DCAF8L2: variants seen among roughly 807,000 people sequenced by gnomAD.
DCAF8L2 encodes DDB1 and CUL4 associated factor 8 like 2.
For missense variants in DCAF8L2, 430 were observed against 490.7 expected (o/e 0.88, Z 1.17); for synonymous variants, 200 against 190.9 (o/e 1.05, Z -0.39).
intron 4 of DCAF8L2, among the ~76,000 whole-genome samples, chrX:27,743,695 T>C (rs1372653645): frequency 1.1e-5 from 1 of 94,701 alleles, no homozygotes; most frequent in Non-Finnish European, 2.1e-5. Flanking sequence ...ATGCCTGGCT[T>C]TTATTATTTA....
chrX:27,724,629 G>T (rs61119321), intron 4 of DCAF8L2, among the ~76,000 whole-genome samples: 2,589 of 111,342 alleles, frequency 0.023, 75 homozygotes, highest in African/African-American at 0.08. Context: ...TCAGGCAACA[G>T]AAAAGAAATG....
intron 2 of DCAF8L2, among the ~76,000 whole-genome samples, chrX:27,636,637 A>C (rs5926847): frequency 1.8e-5 from 2 of 109,849 alleles, no homozygotes; most frequent in African/African-American, 3.3e-5. Context: ...AAACCTGAAC[A>C]CATCTCTATT....
At chrX:27,496,316 A>G in the DCAF8L2 span, among the ~76,000 whole-genome samples, 1 of 111,931 alleles carries the variant, frequency 8.9e-6, no homozygotes, top group East Asian at 2.8e-4. Flanking sequence ...TTTGGTAAAT[A>G]CACCAAGCTG....
At position 27,726,846 on chromosome X, in the gene DCAF8L2, G is replaced by GAT. The variant is rs1284077308; in HGVS notation, c.-59+10678_-59+10679dup. 2.7e-5 allele frequency among the ~76,000 whole-genome samples: 3 copies of GAT among 111,766 alleles called. No individual in the cohort carries two copies. In the Admixed American group the frequency reaches 2.9e-4, roughly 11 times the overall value. On this transcript the variant is annotated intron_variant, in intron 4 of 4. Transcript: ENST00000451261. ...ACATTTTGGTTGTTTCCAAGTTGAG[G>GAT]ATATCATGAATAATGATTGTATGAA...
chrX:27,622,582 A>G (rs760951563), intron 1 of DCAF8L2, among the ~76,000 whole-genome samples: 4 of 111,639 alleles, frequency 3.6e-5, no homozygotes, highest in Non-Finnish European at 5.6e-5. Context: ...AAACATTAAC[A>G]TAAGTGAATT....
intron 2 of DCAF8L2, among the ~76,000 whole-genome samples, chrX:27,646,177 C>T (rs1928929086): frequency 1.8e-5 from 2 of 111,864 alleles, no homozygotes; most frequent in South Asian, 7.4e-4. Flanking sequence ...TACAAAGCTA[C>T]AGTAACCAAA....
the DCAF8L2 span, among the ~76,000 whole-genome samples, chrX:27,508,446 A>G: frequency 9.1e-6 from 1 of 110,336 alleles, no homozygotes; most frequent in Non-Finnish European, 1.9e-5. Flanking sequence ...AACTCATGAG[A>G]CATGTTAGAC....
intron 2 of DCAF8L2, among the ~76,000 whole-genome samples, chrX:27,661,608 A>G (rs998937035): frequency 8.9e-6 from 1 of 111,952 alleles, no homozygotes; most frequent in Admixed American, 9.5e-5. Flanking sequence ...ATGTTATCTA[A>G]GTCTATATTA....
intron 1 of DCAF8L2, among the ~76,000 whole-genome samples, chrX:27,622,293 C>CTGT (rs1322553063): frequency 0.067 from 6,240 of 93,395 alleles, 1,027 homozygotes; most frequent in African/African-American, 0.27. Context: ...GGCGTAGTGG[C>CTGT]GGACACCTGT....
intron 2 of DCAF8L2, among the ~76,000 whole-genome samples, chrX:27,649,619 C>T (rs1929075717): frequency 9.1e-6 from 1 of 109,539 alleles, no homozygotes; most frequent in Non-Finnish European, 1.9e-5. Flanking sequence ...TTTTGAGAAG[C>T]GTCTGTCCTT....
chrX:27,571,965 A>G, the DCAF8L2 span, among the ~76,000 whole-genome samples: 2 of 111,797 alleles, frequency 1.8e-5, no homozygotes, highest in African/African-American at 3.3e-5. Flanking sequence ...TATCAGTGCT[A>G]TGTAGAGGAG....
chrX:27,723,104 T>G (rs1407400659), intron 4 of DCAF8L2, among the ~76,000 whole-genome samples: 2 of 110,339 alleles, frequency 1.8e-5, no homozygotes, highest in South Asian at 3.8e-4. Flanking sequence ...AGAATTATAC[T>G]TGTATGGAAA....
chrX:27,555,106 A>G, the DCAF8L2 span, among the ~76,000 whole-genome samples: 1 of 111,880 alleles, frequency 8.9e-6, no homozygotes, highest in East Asian at 2.8e-4. Context: ...AGATTGCAGT[A>G]AGGAAAAAAT....
the DCAF8L2 span, among the ~76,000 whole-genome samples, chrX:27,502,335 A>AAAAATAT: frequency 5.5e-4 from 7 of 12,714 alleles, 1 homozygote; most frequent in Non-Finnish European, 7.5e-4. Flanking sequence ...AAAAAAAAAA[A>AAAAATAT]ATATATATAT....
the DCAF8L2 span, among the ~76,000 whole-genome samples, chrX:27,490,255 A>G: frequency 8.9e-6 from 1 of 112,184 alleles, no homozygotes; most frequent in African/African-American, 3.2e-5. Context: ...GCCAATTTAT[A>G]AAATTTGGTT....
chrX:27,723,089 A>G (rs1010603805), intron 4 of DCAF8L2, among the ~76,000 whole-genome samples: 1 of 110,556 alleles, frequency 9.0e-6, no homozygotes, highest in Non-Finnish European at 1.9e-5. Context: ...TTTCTGAAGG[A>G]TGCAAGAATT....
intron 2 of DCAF8L2, among the ~76,000 whole-genome samples, chrX:27,661,447 G>A (rs1442560677): frequency 9.0e-6 from 1 of 111,458 alleles, no homozygotes; most frequent in East Asian, 2.8e-4. Context: ...TAGAGGAGAT[G>A]AGTGTTGGTT....
At chrX:27,646,557 G>T (rs1287856065) in intron 2 of DCAF8L2, among the ~76,000 whole-genome samples, 1 of 111,462 alleles carries the variant, frequency 9.0e-6, no homozygotes, top group Non-Finnish European at 1.9e-5. Context: ...AGCAAAAATT[G>T]ACAAATGGGA....
chrX:27,536,053 G>A, the DCAF8L2 span, among the ~76,000 whole-genome samples: 5 of 111,173 alleles, frequency 4.5e-5, no homozygotes, highest in African/African-American at 9.8e-5. Flanking sequence ...ACTAAAAGTC[G>A]TCTTTGTCAT....
Sources: gnomAD v4.1 joint callset for allele counts (sites outside exome capture counted in the v4.1 genomes callset) on GRCh38, gnomAD v4.1.1 for gene constraint, MANE v1.5 for transcripts, NCBI Gene and HGNC (gene_info 2026-07-23, HGNC 2026-07-21) for gene names.